Variants in PLCB2 observed in about 807,000 individuals in gnomAD.
The protein encoded by PLCB2 is 1-phosphatidylinositol 4,5-bisphosphate phosphodiesterase beta-2.
In PLCB2, 115 loss-of-function variants were observed where a neutral mutation model predicts 141.7. The observed-to-expected ratio is 0.81, with a 90% CI of 0.70 to 0.95. PLCB2 has a LOEUF of 0.95. Among genes scored for constraint, PLCB2 ranks in the 40% least tolerant of loss-of-function variants. PLCB2 has a pLI of 0.00. For missense variants in PLCB2, 1,403 were observed against 1,541.1 expected, an observed-to-expected ratio of 0.91 and a Z score of 1.50; for synonymous variants, 603 against 595.6, an observed-to-expected ratio of 1.01 and a Z score of -0.18.
chr15:40,298,492 G>A, intron 10 of PLCB2, 70 bp downstream of exon 10: 2 of 1,606,644 alleles, frequency 1.2e-6, no homozygotes, highest in East Asian at 2.2e-5. Flanking sequence ...CAGCATGTGG[G>A]CAACCCCTGT....
chr15:40,289,018 C>T (rs776329181), intron 31 of PLCB2, 100 bp from the exon 32 acceptor site: 21 of 1,506,562 alleles, frequency 1.4e-5, no homozygotes, highest in East Asian at 2.4e-5. Flanking sequence ...TATCCATGTT[C>T]GGAGCTCCCA....
In PLCB2 at chr15:40,296,310, A is replaced by G. The variant is rs138547741; in HGVS notation, c.1682T>C (p.Phe561Ser). The change falls in exon 16 of 32, where the codon TTT becomes TCT. Residue 561 changes from phenylalanine to serine, a missense_variant. By Grantham distance (155) the Phe-to-Ser change is radical (BLOSUM62 -2). Transcript: ENST00000260402. The part of the protein sequence containing the change: ...NYIQPTKFVS[F>S]EFSAQKNRSY... ...TGCTAACTTACGGGCAGAGAACTCA[A>G]AGGAGACGAACTTGGTGGGCTGGAT... 2 of 1,613,346 alleles carry G rather than the reference A, an allele frequency of 1.2e-6. No individual in the cohort carries two copies. The highest frequency in any genetic ancestry group is 4.5e-5 in the East Asian group (2 of 44,870).
intron 30 of PLCB2, 27 bp downstream of exon 30, chr15:40,289,998 T>TGA: frequency 8.0e-7 from 1 of 1,247,550 alleles, no homozygotes; most frequent in East Asian, 2.3e-5. Flanking sequence ...TGTGTGTGTG[T>TGA]TTAGGAAGGA....
rs1449158008 is a variant in PLCB2 at position 40,294,323 on chromosome 15, G to A, written c.2004C>T (p.Phe668=). The A allele has an allele frequency of 6.2e-7, 1 of 1,614,040 alleles. No homozygotes were observed. The highest frequency in any genetic ancestry group is 1.3e-5 in the African/African-American group (1 of 74,938). The part of the protein sequence containing the change: ...HEFMRRPDKQ[F]NPFSVDRIDV... ...CGATGCGGTCCACTGAGAAGGGGTT[G>A]AACTGCTTGTCCGGCCGGCGCATGA... Residue 668 remains phenylalanine (F), a synonymous_variant, in exon 19 of 32, where the codon TTC becomes TTT. Transcript: ENST00000260402.
In PLCB2 at chr15:40,293,663, A is replaced by G. The variant is rs2040047630; in HGVS notation, c.2123T>C (p.Phe708Ser). The G allele has an allele frequency of 1.9e-6, 3 of 1,614,006 alleles. No individual in the cohort carries two copies. The highest frequency in any genetic ancestry group is 2.7e-5 in the African/African-American group (2 of 74,918). The change falls in exon 20 of 32, where the codon TTT becomes TCT. Residue 708 changes from phenylalanine to serine, a missense_variant. Around this residue, in one of 4 missense-constraint regions of PLCB2, gnomAD observed 975 missense variants for 1,141.1 expected, o/e 0.85. Transcript: ENST00000260402. ...SVRTYVEVEL[F>S]GLPGDPKRRY... ...CCTCTTGGGGTCCCCAGGAAGGCCA[A>G]ACAGCTCCACTTCTACATAGGTGCG... is the stretch of plus-strand genomic sequence containing the variant.
rs748859449 is a variant in PLCB2, at chr15:40,298,332, A to G, written c.1046T>C (p.Leu349Pro). ...CTCCACGCAACGGCAGCCAGAGAGC[A>G]GCACCTGGCGGTACATCTCAGCCGA... ...LSSAEMYRQV[L>P]LSGCRCVELD... Residue 349 changes from leucine to proline, a missense_variant, in exon 11 of 32, where the codon CTG becomes CCG. Leu to Pro is a moderately conservative substitution (Grantham distance 98). Around this residue, in one of 4 missense-constraint regions of PLCB2, gnomAD observed 975 missense variants for 1,141.1 expected, o/e 0.85. Transcript: ENST00000260402. The G allele has an allele frequency of 1.4e-5, 22 of 1,605,532 alleles. No homozygotes were observed. The East Asian group carries it at 4.9e-4, about 36-fold the overall frequency.
chr15:40,284,265 G>A (rs1595615530), downstream of PLCB2: 1 of 336,702 alleles, frequency 3.0e-6, no homozygotes, highest in East Asian at 8.6e-5. Context: ...GTTATCAGCT[G>A]CAGAATTTAC....
intron 31 of PLCB2, 120 bp from the exon 32 acceptor site, chr15:40,289,038 G>A (rs1233595964): frequency 7.0e-7 from 1 of 1,430,102 alleles, no homozygotes; most frequent in Admixed American, 2.4e-5. Flanking sequence ...AGGAGACTGG[G>A]GTGAGAGGCA....
chr15:40,296,235 C>T (rs754798866), intron 16 of PLCB2, 61 bp downstream of exon 16: 10 of 1,327,682 alleles, frequency 7.5e-6, no homozygotes, highest in Non-Finnish European at 1.1e-5. Context: ...GGCCCCAAGT[C>T]CAAGGAAGGG....
chr15:40,295,139 C>T (rs559960266), intron 17 of PLCB2, 62 bp downstream of exon 17: 1 of 1,611,078 alleles, frequency 6.2e-7, no homozygotes, highest in South Asian at 1.1e-5. Context: ...GCCCTGTCCC[C>T]AGGCCCTCCT....
Position 40,291,664 on chromosome 15 carries a change from G to T in PLCB2, c.2603-14C>A. ...CGGCCCTGGCTGCTGCAAGAGCCAC[G>T]GGCTGGGCTGTCAGGTGCTCTGGGG... On this transcript the variant is annotated splice_polypyrimidine_tract_variant and intron_variant, in intron 24 of 31. Coordinates refer to ENST00000260402, the MANE Select transcript of PLCB2 (RefSeq NM_004573.3). 6.2e-7 allele frequency: 1 copy of T among 1,612,176 alleles called. No homozygotes were observed. Among genetic ancestry groups the T allele is most frequent in the Non-Finnish European group, 8.5e-7 (1 of 1,179,384 alleles).
intron 25 of PLCB2, 36 bp downstream of exon 25, chr15:40,291,570 C>CTCATCCCCGAGA: frequency 6.2e-7 from 1 of 1,612,442 alleles, no homozygotes; most frequent in Non-Finnish European, 8.5e-7. Flanking sequence ...CCGCCCCAGG[C>CTCATCCCCGAGA]TCATCCCCGA....
chr15:40,294,883 T>TG (rs908337996), intron 18 of PLCB2, 53 bp downstream of exon 18: 61 of 1,610,892 alleles, frequency 3.8e-5, no homozygotes, highest in South Asian at 1.4e-4. Context: ...GATGTAAAGG[T>TG]GGGGGGCGCA....
At chr15:40,296,719 C>A (rs1323768054) in intron 14 of PLCB2, 27 bp downstream of exon 14, 3 of 1,609,940 alleles carry the variant, frequency 1.9e-6, no homozygotes, top group African/African-American at 2.7e-5. Flanking sequence ...CTCCTAATAC[C>A]CCCCACCATA....
rs1405639884 is a variant in PLCB2, at chr15:40,307,823, G to A, written c.-151C>T. On this transcript the variant is annotated 5_prime_UTR_variant, in exon 1 of 32. Transcript: ENST00000260402. ...AATCTAGTTGCTCTTATAGCCCCTG[G>A]GGTGGCCCTGGCTGAGTGCAGGACT... The A allele has an allele frequency of 6.3e-5, 36 of 569,926 alleles. No homozygotes were observed. Among genetic ancestry groups the A allele is most frequent in the Non-Finnish European group, 9.0e-6 (3 of 332,808 alleles). 35.3% of individuals were successfully genotyped at this position (569,926 alleles called of 1,614,324 possible).
At chr15:40,291,758 C>T (rs2039945454) in intron 24 of PLCB2, 91 bp downstream of exon 24, 2 of 1,604,780 alleles carry the variant, frequency 1.2e-6, no homozygotes. Flanking sequence ...CCCTGCCCCG[C>T]ACTTTCCCTA....
At chr15:40,300,629 CATT>C (rs2040455312) in intron 7 of PLCB2, 1 of 152,156 alleles carries the variant, frequency 6.6e-6, no homozygotes, top group Non-Finnish European at 1.5e-5. Flanking sequence ...ACCTTGAAAA[CATT>C]ATGAGAAATG....
intron 7 of PLCB2, 115 bp downstream of exon 7, chr15:40,301,842 C>G: frequency 1.1e-6 from 1 of 903,150 alleles, no homozygotes; most frequent in Non-Finnish European, 1.8e-6. Context: ...GCTCTCCAGG[C>G]TCTTGGCTGG....
chr15:40,290,867 A>T, intron 27 of PLCB2, 30 bp from the exon 28 acceptor site: 1 of 1,591,340 alleles, frequency 6.3e-7, no homozygotes. Flanking sequence ...GCTTGGCGAG[A>T]AGCCCTTTGT....
Sources: gnomAD v4.1 joint callset for allele counts on GRCh38, gnomAD v4.1.1 for gene constraint, gnomAD v4.1.1 regional missense constraint, MANE v1.5 for transcripts, NCBI Gene and HGNC (gene_info 2026-07-23, HGNC 2026-07-21) for gene names.